The following FRMD5 variants were observed in gnomAD, a reference collection of about 807,000 sequenced individuals.
FRMD5 encodes the protein FERM domain containing 5.
A neutral mutation model predicts 69.0 loss-of-function variants in FRMD5; 20 were observed. The ratio of observed to expected loss-of-function variants is 0.29; its 90% confidence interval spans 0.20 to 0.42. FRMD5 has a LOEUF of 0.42. Ranked by LOEUF, FRMD5 falls within the 10% of genes least tolerant of loss-of-function variation. FRMD5 has a pLI of 1.00. For synonymous variants in FRMD5, 271 were observed against 260.1 expected, an observed-to-expected ratio of 1.04 and a Z score of -0.40; for missense variants, 595 against 708.6, an observed-to-expected ratio of 0.84 and a Z score of 1.82.
At chr15:44,098,463 T>C (rs927527452) in intron 1 of FRMD5, among the ~76,000 whole-genome samples, 4 of 149,358 alleles carry the variant, frequency 2.7e-5, no homozygotes, top group African/African-American at 9.9e-5. Flanking sequence ...AGGCAGAGGT[T>C]GCAGTGAGCC....
chr15:43,894,217 G>A (rs1042968974), intron 7 of FRMD5, among the ~76,000 whole-genome samples: 2 of 152,150 alleles, frequency 1.3e-5, no homozygotes, highest in Non-Finnish European at 2.9e-5. Flanking sequence ...GCAGAGGTAT[G>A]GGTCAGGGAA....
intron 1 of FRMD5, among the ~76,000 whole-genome samples, chr15:44,163,246 C>G (rs2077653921): frequency 6.6e-6 from 1 of 152,194 alleles, no homozygotes; most frequent in African/African-American, 2.4e-5. Flanking sequence ...ATGTTTGACT[C>G]TCTCAGGATA....
At chr15:44,079,069 T>C (rs1893889814) in intron 1 of FRMD5, among the ~76,000 whole-genome samples, 2 of 151,776 alleles carry the variant, frequency 1.3e-5, no homozygotes. Flanking sequence ...TATAACCCAA[T>C]AACAAAAAAC....
At chr15:43,904,978 G>T (rs1254631383) in intron 6 of FRMD5, among the ~76,000 whole-genome samples, 1 of 152,032 alleles carries the variant, frequency 6.6e-6, no homozygotes, top group Non-Finnish European at 1.5e-5. Flanking sequence ...GTCAGGCGGG[G>T]CTGAGGACAT....
Position 43,872,435 on chromosome 15 carries a change from A to C in FRMD5, c.*1450T>G, listed in dbSNP as rs1473028263. The stretch of plus-strand genomic sequence containing the variant: ...ACCCTTAAATAAGCCCTCAAGCCCC[A>C]GATGACTTAGAAATCTCTCCCTGAG... On this transcript the variant is annotated 3_prime_UTR_variant, in exon 14 of 14. Transcript: ENST00000417257. 3 of 152,242 alleles carry C rather than the reference A, an allele frequency of 2.0e-5. No individual in the cohort carries two copies. Among genetic ancestry groups the C allele is most frequent in the Admixed American group, 2.0e-4 (3 of 15,280 alleles). 9.4% of individuals were successfully genotyped at this position (152,242 alleles called of 1,614,324 possible).
At chr15:44,090,173 C>T (rs190695623) in intron 1 of FRMD5, among the ~76,000 whole-genome samples, 100 of 152,178 alleles carry the variant, frequency 6.6e-4, no homozygotes, top group Non-Finnish European at 1.0e-4. Context: ...TTAGACACAC[C>T]AGGGTACAAT....
Position 43,953,789 on chromosome 15 carries a change from T to C in FRMD5, c.103-29480A>G, listed in dbSNP as rs114854241. The stretch of plus-strand genomic sequence containing the variant: ...TATTTGCACTTAATTGTGTTAATAG[T>C]TAAGACTCTAGTAATAAAAATAACC... On this transcript the variant is annotated intron_variant, in intron 1 of 13. Coordinates refer to ENST00000417257, the MANE Select transcript of FRMD5 (RefSeq NM_032892.5). 5.1e-3 allele frequency among the ~76,000 whole-genome samples: 784 copies of C among 152,360 alleles called. 11 individuals carry two copies. The highest frequency in any genetic ancestry group is 0.018 in the African/African-American group (748 of 41,582).
intron 1 of FRMD5, among the ~76,000 whole-genome samples, chr15:43,962,468 T>C (rs1050466681): frequency 1.3e-5 from 2 of 152,134 alleles, no homozygotes; most frequent in Non-Finnish European, 2.9e-5. Flanking sequence ...ATCGTGAAAA[T>C]GGCCATACTG....
chr15:44,126,990 G>A (rs2077032351), intron 1 of FRMD5, among the ~76,000 whole-genome samples: 1 of 152,194 alleles, frequency 6.6e-6, no homozygotes, highest in African/African-American at 2.4e-5. Context: ...CCTAATGAAT[G>A]TTCATTCTGC....
At chr15:43,883,112 CT>C (rs1337334244) in intron 13 of FRMD5, among the ~76,000 whole-genome samples, 121 of 142,498 alleles carry the variant, frequency 8.5e-4, no homozygotes, top group Middle Eastern at 3.6e-3. Context: ...TTAAAAAATT[CT>C]TTTTTTTTTT....
rs942107208 is a variant in FRMD5, at chr15:43,886,005, A to C, written c.885-250T>G. Among the ~76,000 whole-genome samples the C allele has an allele frequency of 7.5e-4, 115 of 152,320 alleles. No homozygotes were observed. In the Middle Eastern group the frequency reaches 0.01, roughly 14 times the overall value. On this transcript the variant is annotated intron_variant, in intron 10 of 13. Transcript: ENST00000417257. ...GTGTCAGGAGAGTGAAGGCTCCCCC[A>C]AAATGCTTCATAGGTTTTACCAGGG... is the stretch of plus-strand genomic sequence containing the variant.
intron 1 of FRMD5, among the ~76,000 whole-genome samples, chr15:44,134,472 AG>A (rs2077152409): frequency 6.6e-6 from 1 of 152,176 alleles, no homozygotes; most frequent in Admixed American, 6.5e-5. Flanking sequence ...CTTTTGAGAC[AG>A]GGTCTCGCTC....
chr15:44,156,135 T>C (rs1340547912), intron 1 of FRMD5, among the ~76,000 whole-genome samples: 15 of 151,740 alleles, frequency 9.9e-5, no homozygotes, highest in Non-Finnish European at 7.4e-5. Context: ...TAGTGAAAAA[T>C]AAAAAATGAC....
chr15:44,095,309 C>A (rs2076536104), intron 1 of FRMD5, among the ~76,000 whole-genome samples: 1 of 151,832 alleles, frequency 6.6e-6, no homozygotes, highest in South Asian at 2.1e-4. Flanking sequence ...CTCAAGAGAG[C>A]CTCCTGCCTC....
chr15:44,121,586 G>C (rs923791649), intron 1 of FRMD5, among the ~76,000 whole-genome samples: 4 of 151,620 alleles, frequency 2.6e-5, no homozygotes, highest in African/African-American at 7.3e-5. Flanking sequence ...TCTCAAGCTT[G>C]ACCCTTTCTC....
At chr15:44,035,351 G>A (rs1891860223) in intron 1 of FRMD5, among the ~76,000 whole-genome samples, 1 of 152,184 alleles carries the variant, frequency 6.6e-6, no homozygotes, top group Admixed American at 6.5e-5. Flanking sequence ...GGTCTGGTCT[G>A]AGCTCAAGTT....
In FRMD5 at chr15:44,093,210, G is replaced by T. The variant is rs565088167; in HGVS notation, c.102+101743C>A. On this transcript the variant is annotated intron_variant, in intron 1 of 13. Transcript: ENST00000417257. Reference sequence around the variant, plus strand: ...CTCCCAAAGCGCTGGTATTATGGGCGTGAGCCACCGCACCCAGCCATTACT... The same window carrying T: ...CTCCCAAAGCGCTGGTATTATGGGCTTGAGCCACCGCACCCAGCCATTACT... Among the ~76,000 whole-genome samples the T allele has an allele frequency of 8.5e-5, 13 of 152,164 alleles. 1 individual carries two copies. Among genetic ancestry groups the T allele is most frequent in the African/African-American group, 3.1e-4 (13 of 41,526 alleles).
intron 1 of FRMD5, among the ~76,000 whole-genome samples, chr15:44,158,488 T>C (rs2077561158): frequency 6.6e-6 from 1 of 152,202 alleles, no homozygotes; most frequent in South Asian, 2.1e-4. Flanking sequence ...GTTCTGGATA[T>C]TTAAGACCAC....
intron 13 of FRMD5, among the ~76,000 whole-genome samples, chr15:43,880,057 G>C (rs2088481690): frequency 6.6e-6 from 1 of 152,312 alleles, no homozygotes; most frequent in South Asian, 2.1e-4. Context: ...AACAATCCCA[G>C]AGGGTAAGGG....
Sources: gnomAD v4.1 joint callset for allele counts (sites outside exome capture counted in the v4.1 genomes callset) on GRCh38, gnomAD v4.1.1 for gene constraint, MANE v1.5 for transcripts, NCBI Gene and HGNC (gene_info 2026-07-23, HGNC 2026-07-21) for gene names.